KIAA1549L: variants seen among roughly 807,000 people sequenced by gnomAD.
KIAA1549L encodes KIAA1549 like.
A neutral mutation model predicts 160.7 loss-of-function variants in KIAA1549L; 88 were observed. The observed-to-expected ratio is 0.55, with a 90% CI of 0.46 to 0.65. KIAA1549L has a LOEUF of 0.65. Among genes scored for constraint, KIAA1549L ranks in the 30% least tolerant of loss-of-function variants. The pLI is 0.00. For missense variants in KIAA1549L, 2,258 were observed against 2,437.5 expected, an observed-to-expected ratio of 0.93 and a Z score of 1.55; for synonymous variants, 950 against 976.7, an observed-to-expected ratio of 0.97 and a Z score of 0.51.
chr11:33,629,085 C>A (rs1002053066), intron 16 of KIAA1549L, among the ~76,000 whole-genome samples: 3 of 151,948 alleles, frequency 2.0e-5, no homozygotes, highest in Non-Finnish European at 4.4e-5. Flanking sequence ...GTTGAAAATT[C>A]TTTTCTTTAA....
intron 8 of KIAA1549L, among the ~76,000 whole-genome samples, chr11:33,562,653 T>C (rs1854904157): frequency 6.6e-6 from 1 of 151,518 alleles, no homozygotes; most frequent in African/African-American, 2.4e-5. Flanking sequence ...CTCCCCAGTA[T>C]GACCTCATTT....
intron 12 of KIAA1549L, among the ~76,000 whole-genome samples, chr11:33,597,743 G>T (rs1850239132): frequency 1.3e-5 from 2 of 152,184 alleles, no homozygotes; most frequent in Non-Finnish European, 2.9e-5. Flanking sequence ...AGAAGGCTCT[G>T]TGACTTGCCC....
intron 1 of KIAA1549L, among the ~76,000 whole-genome samples, chr11:33,478,620 G>C (rs1019706821): frequency 2.6e-5 from 4 of 152,170 alleles, no homozygotes; most frequent in African/African-American, 9.7e-5. Flanking sequence ...CATGTAAACA[G>C]TAAGCCATGA....
At chr11:33,599,797 A>G (rs1037505730) in intron 13 of KIAA1549L, among the ~76,000 whole-genome samples, 2 of 152,182 alleles carry the variant, frequency 1.3e-5, no homozygotes, top group African/African-American at 4.8e-5. Context: ...AGTACCCAGC[A>G]CTACTGATTT....
At chr11:33,608,408 T>C (rs2133326362) in intron 14 of KIAA1549L, among the ~76,000 whole-genome samples, 1 of 152,392 alleles carries the variant, frequency 6.6e-6, no homozygotes, top group East Asian at 1.9e-4. Flanking sequence ...GGCTCTACAA[T>C]TTGAGAATCT....
rs1852528677 is a variant in KIAA1549L at position 33,667,902 on chromosome 11, C to T, written c.6189C>T (p.Tyr2063=). 1.9e-6 allele frequency: 3 copies of T among 1,613,174 alleles called. No individual in the cohort carries two copies. The highest frequency in any genetic ancestry group is 2.2e-5 in the South Asian group (2 of 90,892). Residue 2063 remains tyrosine (Y), a synonymous_variant, in exon 21 of 21, where the codon TAC becomes TAT. Transcript: ENST00000658780. The part of the protein sequence containing the change: ...SVPLPGYIEA[Y]PRSRYPQSSP... ...CCCTCCCAGGGTACATCGAGGCCTA[C>T]CCCCGATCACGGTACCCCCAGAGCT...
At chr11:33,499,046 G>GT (rs371910432) in intron 1 of KIAA1549L, among the ~76,000 whole-genome samples, 2,487 of 148,382 alleles carry the variant, frequency 0.017, 56 homozygotes, top group African/African-American at 0.055. Context: ...TTTGTGCTCA[G>GT]TTTTTTTTTT....
chr11:33,632,748 T>C (rs1851331608), intron 16 of KIAA1549L, among the ~76,000 whole-genome samples: 1 of 151,718 alleles, frequency 6.6e-6, no homozygotes, highest in South Asian at 2.1e-4. Context: ...ATTTTTAATT[T>C]TTATTTATTT....
intron 1 of KIAA1549L, among the ~76,000 whole-genome samples, chr11:33,426,940 T>C (rs1287875910): frequency 6.6e-6 from 1 of 152,218 alleles, no homozygotes; most frequent in African/African-American, 2.4e-5. Flanking sequence ...AAGCATAGAC[T>C]AGCATTTTAT....
chr11:33,664,243 A>G (rs148974246), intron 20 of KIAA1549L, among the ~76,000 whole-genome samples: 32 of 152,266 alleles, frequency 2.1e-4, no homozygotes, highest in Non-Finnish European at 4.1e-4. Flanking sequence ...CATCCGACCC[A>G]TTGAGAAAGC....
At chr11:33,503,800 C>A (rs533356060) in intron 1 of KIAA1549L, among the ~76,000 whole-genome samples, 1 of 152,350 alleles carries the variant, frequency 6.6e-6, no homozygotes, top group Non-Finnish European at 1.5e-5. Context: ...TCTCACCTCA[C>A]AATTCTGTGA....
intron 1 of KIAA1549L, among the ~76,000 whole-genome samples, chr11:33,413,015 G>A (rs1296689142): frequency 1.3e-5 from 2 of 152,128 alleles, no homozygotes; most frequent in East Asian, 1.9e-4. Context: ...TGGATTTGAA[G>A]CTTTTTGAAG....
chr11:33,589,967 G>A (rs1341134920), intron 11 of KIAA1549L, among the ~76,000 whole-genome samples: 1 of 152,032 alleles, frequency 6.6e-6, no homozygotes, highest in East Asian at 1.9e-4. Flanking sequence ...TACTCTAAAT[G>A]ACAGAGCTTG....
Position 33,589,306 on chromosome 11 carries a change from G to A in KIAA1549L, c.4567-1931G>A, listed in dbSNP as rs527484109. Among the ~76,000 whole-genome samples the A allele has an allele frequency of 8.7e-4, 132 of 152,244 alleles. 3 individuals are homozygous for A. The South Asian group carries it at 0.02, about 22-fold the overall frequency. On this transcript the variant is annotated intron_variant, in intron 11 of 20. Coordinates refer to ENST00000658780, the MANE Select transcript of KIAA1549L (RefSeq NM_012194.3). The stretch of plus-strand genomic sequence containing the variant: ...GGAGAAATAGGAACACTTTTACACC[G>A]TTGGTGGGACTGTAAACTAGTTCAA...
chr11:33,592,595 GA>G (rs1299981756), intron 12 of KIAA1549L, among the ~76,000 whole-genome samples: 10 of 152,160 alleles, frequency 6.6e-5, no homozygotes, highest in African/African-American at 2.4e-4. Context: ...AGGCACTGGG[GA>G]TATTGCTGTG....
At chr11:33,468,245 G>GTATA (rs1345046642) in intron 1 of KIAA1549L, among the ~76,000 whole-genome samples, 5 of 152,126 alleles carry the variant, frequency 3.3e-5, no homozygotes, top group Admixed American at 2.0e-4. Context: ...TTTCACAAGG[G>GTATA]TATACATTTT....
chr11:33,410,576 C>T (rs556708267), intron 1 of KIAA1549L, among the ~76,000 whole-genome samples: 9 of 152,308 alleles, frequency 5.9e-5, no homozygotes, highest in African/African-American at 2.2e-4. Flanking sequence ...CCAACATTTT[C>T]AGTCTTCATG....
intron 10 of KIAA1549L, among the ~76,000 whole-genome samples, chr11:33,581,202 G>A (rs765765895): frequency 1.1e-4 from 16 of 152,184 alleles, no homozygotes; most frequent in Non-Finnish European, 2.1e-4. Flanking sequence ...CCATCCACTG[G>A]ACCCTGGGAG....
rs1564941049 is a variant in KIAA1549L, at chr11:33,649,524, A to AT, written c.5760+3488_5760+3489insT. 5.6e-4 allele frequency among the ~76,000 whole-genome samples: 84 copies of AT among 150,132 alleles called. 1 individual carries two copies. The highest frequency in any genetic ancestry group is 2.0e-3 in the African/African-American group (80 of 40,898). On this transcript the variant is annotated intron_variant, in intron 17 of 20. Coordinates refer to ENST00000658780, the MANE Select transcript of KIAA1549L (RefSeq NM_012194.3). ...CTATTGTAAAAAAAAAAAAAAAAAA[A>AT]AAAGAAGCAGCAGCAGCAGCAGCTT... is the stretch of plus-strand genomic sequence containing the variant.
Sources: allele counts gnomAD v4.1 joint callset (sites outside exome capture counted in the v4.1 genomes callset), GRCh38; gene constraint gnomAD v4.1.1; transcripts MANE v1.5; gene names NCBI Gene and HGNC (gene_info 2026-07-23, HGNC 2026-07-21).